Variants in RHOT2 observed in about 807,000 individuals in gnomAD.
The protein encoded by RHOT2 is mitochondrial Rho GTPase 2.
A neutral mutation model predicts 81.6 loss-of-function variants in RHOT2; 90 were observed. The observed-to-expected ratio is 1.10, with a 90% CI of 0.93 to 1.31. RHOT2 has a LOEUF of 1.31. RHOT2 is among the 40% of genes most tolerant of loss of function. The pLI is 0.00. For missense variants in RHOT2, 1,014 were observed against 841.9 expected (o/e 1.20, Z -2.53); for synonymous variants, 512 against 370.9 (o/e 1.38, Z -4.37).
intron 5 of RHOT2, 23 bp downstream of exon 5, chr16:669,629 A>G: frequency 6.2e-7 from 1 of 1,610,002 alleles, no homozygotes. Context: ...TGCAGACCCC[A>G]ACAGCAGAGA....
rs376009690 is a variant in RHOT2 at position 668,716 on chromosome 16, G to C, written c.222+17G>C. 3.8e-6 allele frequency: 6 copies of C among 1,583,454 alleles called. No individual in the cohort carries two copies. Among genetic ancestry groups the C allele is most frequent in the Admixed American group, 1.8e-5 (1 of 54,518 alleles). On this transcript the variant is annotated intron_variant, in intron 4 of 18. Coordinates refer to ENST00000315082, the MANE Select transcript of RHOT2 (RefSeq NM_138769.3). ...ATCCACAAGGTACCCGTGGTGCGCG[G>C]GACGAGGGAGGGGCTGGGCGCGGGC...
chr16:671,565 G>A (rs961181720), intron 11 of RHOT2, 132 bp from the exon 12 acceptor site: 11 of 994,374 alleles, frequency 1.1e-5, no homozygotes, highest in African/African-American at 1.6e-5. Flanking sequence ...TGCAAGGTCG[G>A]GGGCGTACAG....
Position 672,327 on chromosome 16 carries a change from G to T in RHOT2, c.1269G>T (p.Gly423=), listed in dbSNP as rs1300090086. 2 of 1,612,198 alleles carry T rather than the reference G, an allele frequency of 1.2e-6. No homozygotes were observed. The highest frequency in any genetic ancestry group is 2.7e-5 in the African/African-American group (2 of 74,924). ...GCGTCCTCCTGTGCAAGGTGGTAGGGGCCCGTGGAGTGGGCAAGTCTGCCT... is the reference window on the plus strand; with the variant it reads ...GCGTCCTCCTGTGCAAGGTGGTAGGTGCCCGTGGAGTGGGCAAGTCTGCCT... ...QRSVLLCKVV[G]ARGVGKSAFL... is the part of the protein sequence containing the mutation. The change falls in exon 15 of 19, where the codon GGG becomes GGT. Residue 423 remains glycine, a synonymous_variant. Coordinates refer to ENST00000315082, the MANE Select transcript of RHOT2 (RefSeq NM_138769.3).
At position 670,802 on chromosome 16, in the gene RHOT2, A is replaced by G. The variant is rs970002894; in HGVS notation, c.639+29A>G. On this transcript the variant is annotated intron_variant, in intron 9 of 18. Transcript: ENST00000315082. ...TGCCCCTGCCCCACCCTCGGTGCCCAGCCCCCTTGAACCTCCGCTGCCGTT... is the reference window on the plus strand; with the variant it reads ...TGCCCCTGCCCCACCCTCGGTGCCCGGCCCCCTTGAACCTCCGCTGCCGTT... 16 of 1,609,176 alleles carry G rather than the reference A, an allele frequency of 9.9e-6. No homozygotes were observed. The African/African-American group carries it at 2.0e-4, about 20-fold the overall frequency.
intron 4 of RHOT2, chr16:669,021 G>A (rs1210570986): frequency 8.8e-6 from 4 of 453,718 alleles, no homozygotes; most frequent in East Asian, 3.9e-5. Flanking sequence ...CACCGTCCCG[G>A]CCTCCGGGCA....
At chr16:670,196 G>T (rs774401552) in intron 6 of RHOT2, 21 bp downstream of exon 6, 1 of 1,609,928 alleles carries the variant, frequency 6.2e-7, no homozygotes, top group Non-Finnish European at 8.5e-7. Context: ...GATGTGGAAG[G>T]GGCTGGGACC....
chr16:670,825 G>A lies in RHOT2; in HGVS notation c.639+52G>A, dbSNP rs374790303. 125 of 1,601,912 alleles carry A rather than the reference G, an allele frequency of 7.8e-5. 1 individual carries two copies. In the African/African-American group the frequency reaches 9.6e-4, roughly 12 times the overall value. Reference sequence around the variant, plus strand: ...CCAGCCCCCTTGAACCTCCGCTGCCGTTAGTGACTGGAACGGGTCGTCTCC... The same window carrying A: ...CCAGCCCCCTTGAACCTCCGCTGCCATTAGTGACTGGAACGGGTCGTCTCC... On this transcript the variant is annotated intron_variant, in intron 9 of 18. Transcript: ENST00000315082.
At position 670,746 on chromosome 16, in the gene RHOT2, C is replaced by T. The variant is rs3743911; in HGVS notation, c.612C>T (p.Leu204=). 9.5e-5 allele frequency: 153 copies of T among 1,612,352 alleles called. No homozygotes were observed. The East Asian group carries it at 3.2e-3, about 33-fold the overall frequency. The part of the protein sequence containing the change: ...RLSDQDLDQA[L]SDEELNAFQK... ...CAGATCAGGACCTGGACCAGGCGCT[C>T]AGTGACGAAGAGCTCAACGCTTTCC... is the stretch of plus-strand genomic sequence containing the variant. The change falls in exon 9 of 19, where the codon CTC becomes CTT. Residue 204 remains leucine, a synonymous_variant. Coordinates refer to ENST00000315082, the MANE Select transcript of RHOT2 (RefSeq NM_138769.3).
At position 671,012 on chromosome 16, in the gene RHOT2, T is replaced by C. The variant is rs1322305909; in HGVS notation, c.748+12T>C. ...GCTGACCCTGGATGGTGAGGCCGGG[T>C]GCCCGCCTGTGCCTGGGGAGTGTGG... On this transcript the variant is annotated intron_variant, in intron 10 of 18. Transcript: ENST00000315082. The C allele has an allele frequency of 1.9e-6, 3 of 1,597,706 alleles. No individual in the cohort carries two copies. The East Asian group carries it at 6.7e-5, about 36-fold the overall frequency.
chr16:672,111 C>A lies in RHOT2; in HGVS notation c.1125C>A (p.Ser375Arg). ...TGGTGACCTACCTGGACGTCCGGAG[C>A]TGCCTTGGACACCTAGGCTACCTGG... is the stretch of plus-strand genomic sequence containing the variant. ...WTLVTYLDVR[S>R]CLGHLGYLGY... The change falls in exon 14 of 19, where the codon AGC becomes AGA. Residue 375 changes from serine to arginine, a missense_variant. Ser to Arg is a moderately radical substitution (Grantham distance 110). Coordinates refer to ENST00000315082, the MANE Select transcript of RHOT2 (RefSeq NM_138769.3). 1 of 1,612,656 alleles carries A rather than the reference C, an allele frequency of 6.2e-7. No individual in the cohort carries two copies. Among genetic ancestry groups the A allele is most frequent in the Non-Finnish European group, 8.5e-7 (1 of 1,179,944 alleles).
chr16:673,157 G>T, intron 18 of RHOT2, 27 bp downstream of exon 18: 2 of 1,602,700 alleles, frequency 1.2e-6, no homozygotes, highest in Non-Finnish European at 8.5e-7. Flanking sequence ...GCAGCCCTGG[G>T]GACTAGCAGT....
chr16:670,360 G>A lies in RHOT2; in HGVS notation c.438+3G>A, dbSNP rs370007960. ...CCGAGATTGAGACCTGCGTGGAGGT[G>A]AGTAGGTCCCAGGCAGGGCCGCCTC... On this transcript the variant is annotated splice_donor_region_variant and intron_variant, in intron 7 of 18. Transcript: ENST00000315082. 8 of 1,612,238 alleles carry A rather than the reference G, an allele frequency of 5.0e-6. No individual in the cohort carries two copies. In the African/African-American group the frequency reaches 9.3e-5, roughly 19 times the overall value.
At position 672,358 on chromosome 16, in the gene RHOT2, C is replaced by CA; in HGVS notation, c.1301dup (p.Ala435GlyfsTer37). 1 of 1,611,398 alleles carries CA rather than the reference C, an allele frequency of 6.2e-7. No homozygotes were observed. The highest frequency in any genetic ancestry group is 1.7e-5 in the Admixed American group (1 of 59,922). On this transcript the variant is annotated frameshift_variant, in exon 15 of 19. Coordinates refer to ENST00000315082, the MANE Select transcript of RHOT2 (RefSeq NM_138769.3). LOFTEE classifies it high-confidence loss of function. ...TGGAGTGGGCAAGTCTGCCTTCCTG[C>CA]AGGCCTTTCTCGGCCGCGGCCTGGG...
In RHOT2 at chr16:672,517, G is replaced by A; in HGVS notation, c.1355G>A (p.Gly452Asp). The A allele has an allele frequency of 1.2e-6, 2 of 1,612,648 alleles. No individual in the cohort carries two copies. Among genetic ancestry groups the A allele is most frequent in the Non-Finnish European group, 1.7e-6 (2 of 1,179,920 alleles). Residue 452 changes from glycine (G) to aspartate (D), a missense_variant, in exon 16 of 19, where the codon GGC becomes GAC. Coordinates refer to ENST00000315082, the MANE Select transcript of RHOT2 (RefSeq NM_138769.3). Reference protein sequence around the residue: ...GHQDTREQPPGYAIDTVQVNG... With the variant: ...GHQDTREQPPDYAIDTVQVNG... ...CAGGACACGAGGGAGCAGCCTCCCG[G>A]CTACGCCATCGACACGGTGCAGGTC...
chr16:670,179 A>G lies in RHOT2; in HGVS notation c.329+4A>G. 1 of 1,606,538 alleles carries G rather than the reference A, an allele frequency of 6.2e-7. No individual in the cohort carries two copies. The highest frequency in any genetic ancestry group is 1.1e-5 in the South Asian group (1 of 90,582). ...GGGGGACCACGCAGGGGCCCAGGTAATGAGGGGATGTGGAAGGGGCTGGGA... is the reference window on the plus strand; with the variant it reads ...GGGGGACCACGCAGGGGCCCAGGTAGTGAGGGGATGTGGAAGGGGCTGGGA... On this transcript the variant is annotated splice_donor_region_variant and intron_variant, in intron 6 of 18. Transcript: ENST00000315082.
rs752236633 is a variant in RHOT2, at chr16:670,969, C to A, written c.717C>A (p.Gly239=). Residue 239 remains glycine, a synonymous_variant, in exon 10 of 19, where the codon GGC becomes GGA. Transcript: ENST00000315082. ...VKTVVCRNVA[G]GVREDRLTLD... is the part of the protein sequence containing the mutation. ...CGGTGGTGTGCAGGAACGTGGCGGGCGGCGTGCGGGAGGACCGGCTGACCC... is the reference window on the plus strand; with the variant it reads ...CGGTGGTGTGCAGGAACGTGGCGGGAGGCGTGCGGGAGGACCGGCTGACCC... The A allele has an allele frequency of 2.6e-6, 4 of 1,565,854 alleles. No homozygotes were observed. The highest frequency in any genetic ancestry group is 1.2e-5 in the South Asian group (1 of 85,094).
At position 674,032 on chromosome 16, in the gene RHOT2, T is replaced by C. The variant is rs2039369886; in HGVS notation, c.*426T>C. The stretch of plus-strand genomic sequence containing the variant: ...CAGAGCTTTGGGCCAAAAGCAGGCG[T>C]TGGGGGGTCCCCCCTCAAGTTTGGA... On this transcript the variant is annotated 3_prime_UTR_variant, in exon 19 of 19. Transcript: ENST00000315082. 6.6e-6 allele frequency: 2 copies of C among 302,246 alleles called. No homozygotes were observed. The highest frequency in any genetic ancestry group is 2.2e-5 in the African/African-American group (1 of 44,822). 18.7% of individuals were successfully genotyped at this position (302,246 alleles called of 1,614,324 possible).
chr16:673,850 G>C lies in RHOT2; in HGVS notation c.*244G>C, dbSNP rs751189206. 1.6e-6 allele frequency: 1 copy of C among 612,064 alleles called. No individual in the cohort carries two copies. Among genetic ancestry groups the C allele is most frequent in the South Asian group, 1.8e-5 (1 of 56,278 alleles). 37.9% of individuals were successfully genotyped at this position (612,064 alleles called of 1,614,324 possible). A position where few individuals can be genotyped will look rare whatever the true frequency, so the allele number is the denominator to read the frequency against. On this transcript the variant is annotated 3_prime_UTR_variant, in exon 19 of 19. Coordinates refer to ENST00000315082, the MANE Select transcript of RHOT2 (RefSeq NM_138769.3). ...GGCTGAGCAGGAGCTCCCAAGTGCCGGCCACCGCTGTCAGGGATTGCCCAC... is the reference window on the plus strand; with the variant it reads ...GGCTGAGCAGGAGCTCCCAAGTGCCCGCCACCGCTGTCAGGGATTGCCCAC...
In RHOT2 at chr16:672,938, T is replaced by C. The variant is rs1436774616; in HGVS notation, c.1538T>C (p.Met513Thr). The C allele has an allele frequency of 6.2e-7, 1 of 1,612,742 alleles. No individual in the cohort carries two copies. Among genetic ancestry groups the C allele is most frequent in the Middle Eastern group, 1.6e-4 (1 of 6,062 alleles). The change falls in exon 18 of 19, where the codon ATG (methionine) becomes ACG (threonine). Residue 513 changes from methionine to threonine, a missense_variant. By Grantham distance (81) the Met-to-Thr change is moderately conservative. Transcript: ENST00000315082. The part of the protein sequence containing the change: ...HCASVYKHHY[M>T]DGQTPCLFVS... Reference sequence around the variant, plus strand: ...ACTCTCTGCCCACAGCACCATTACATGGACGGGCAGACCCCCTGCCTCTTT... The same window carrying C: ...ACTCTCTGCCCACAGCACCATTACACGGACGGGCAGACCCCCTGCCTCTTT...
Sources: allele counts gnomAD v4.1 joint callset, GRCh38; gene constraint gnomAD v4.1.1; transcripts MANE v1.5; gene names NCBI Gene and HGNC (gene_info 2026-07-23, HGNC 2026-07-21).